The following DDX5 variants were observed in gnomAD, a reference collection of about 807,000 sequenced individuals.
DDX5 encodes the protein probable ATP-dependent RNA helicase DDX5.
In DDX5, 6 loss-of-function variants were observed where a neutral mutation model predicts 68.6. The observed-to-expected ratio is 0.09, with a 90% CI of 0.05 to 0.17. The LOEUF (loss-of-function observed/expected upper bound fraction) is 0.17. DDX5 is among the 10% of genes least tolerant of loss of function. DDX5 has a pLI of 1.00. For synonymous variants in DDX5, 350 were observed against 247.0 expected (o/e 1.42, Z -3.91); for missense variants, 499 against 756.1 (o/e 0.66, Z 3.99).
At chr17:64,505,081 C>A in intron 1 of DDX5, 1 of 397,072 alleles carries the variant, frequency 2.5e-6, no homozygotes, top group Non-Finnish European at 4.5e-6. Flanking sequence ...ATGTCGGAAG[C>A]CGGGGATTTA....
intron 3 of DDX5, 36 bp downstream of exon 3, chr17:64,504,186 A>G: frequency 6.2e-7 from 1 of 1,613,164 alleles, no homozygotes; most frequent in Non-Finnish European, 8.5e-7. Context: ...GTGGAAACAA[A>G]AACACGGGTA....
At position 64,499,464 on chromosome 17, in the gene DDX5, G is replaced by A. The variant is rs764922336; in HGVS notation, c.*459C>T. On this transcript the variant is annotated 3_prime_UTR_variant, in exon 13 of 13. Transcript: ENST00000225792. ...TATGAATAGCTCATTATAAAGAAGG[G>A]CCTTCTGATTCCCCCTGCCTCCCAA... 2.0e-5 allele frequency among the ~76,000 whole-genome samples: 3 copies of A among 150,994 alleles called. No individual in the cohort carries two copies. Among genetic ancestry groups the A allele is most frequent in the African/African-American group, 7.3e-5 (3 of 40,916 alleles).
At chr17:64,505,080 G>C (rs2038407104) in intron 1 of DDX5, 1 of 398,782 alleles carries the variant, frequency 2.5e-6, no homozygotes, top group East Asian at 3.9e-5. Context: ...CATGTCGGAA[G>C]CCGGGGATTT....
chr17:64,499,720 T>C lies in DDX5; in HGVS notation c.*203A>G, dbSNP rs1459190548. On this transcript the variant is annotated 3_prime_UTR_variant, in exon 13 of 13. Coordinates refer to ENST00000225792, the MANE Select transcript of DDX5 (RefSeq NM_004396.5). ...ACTTTTGTGAAAACACTGCCTGCAT[T>C]TTCTAGTACAAAAAAAACCTAAAAA... is the stretch of plus-strand genomic sequence containing the variant. The C allele has an allele frequency of 4.2e-6, 2 of 472,768 alleles. No individual in the cohort carries two copies. Among genetic ancestry groups the C allele is most frequent in the Non-Finnish European group, 7.3e-6 (2 of 272,874 alleles). The allele number at this position is 472,768 out of a possible 1,614,324, so 29.3% of individuals were successfully genotyped here.
intron 1 of DDX5, chr17:64,505,738 C>A: frequency 6.5e-7 from 1 of 1,535,960 alleles, no homozygotes; most frequent in Non-Finnish European, 8.7e-7. Context: ...CCTCCCGAAA[C>A]GCCGCACCTA....
intron 5 of DDX5, 63 bp downstream of exon 5, chr17:64,503,740 T>C: frequency 1.3e-6 from 2 of 1,559,552 alleles, no homozygotes; most frequent in South Asian, 1.2e-5. Flanking sequence ...ATTACATCTT[T>C]AGCTATGTAG....
At chr17:64,506,740 A>C, upstream of DDX5, 2 of 445,836 alleles carry the variant, frequency 4.5e-6, no homozygotes, top group South Asian at 2.5e-5. Context: ...AGGGATACAA[A>C]ACGAAATAGC....
Position 64,506,120 on chromosome 17 carries a change from G to C in DDX5, c.-1C>G, listed in dbSNP as rs782396634. Reference sequence around the variant, plus strand: ...CTCGGTCACTCGAATAACCCGACATGGCGTCAATGGTTGCGGTTGGCGGGG... The same window carrying C: ...CTCGGTCACTCGAATAACCCGACATCGCGTCAATGGTTGCGGTTGGCGGGG... On this transcript the variant is annotated 5_prime_UTR_variant, in exon 1 of 13. Coordinates refer to ENST00000225792, the MANE Select transcript of DDX5 (RefSeq NM_004396.5). 3 of 1,606,220 alleles carry C rather than the reference G, an allele frequency of 1.9e-6. No homozygotes were observed. The African/African-American group carries it at 4.0e-5, about 22-fold the overall frequency.
At chr17:64,504,562 G>T in intron 2 of DDX5, 115 bp downstream of exon 2, 1 of 1,284,120 alleles carries the variant, frequency 7.8e-7, no homozygotes, top group Non-Finnish European at 1.1e-6. Flanking sequence ...CAATTATGAA[G>T]TCAGAACATG....
intron 1 of DDX5, chr17:64,505,570 G>C (rs1167782357): frequency 7.3e-6 from 5 of 680,830 alleles, no homozygotes; most frequent in Non-Finnish European, 1.3e-5. Context: ...CCTCCGCCGG[G>C]CGGGGTAACA....
rs2038365256 is a variant in DDX5 at position 64,504,134 on chromosome 17, T to C, written c.308-18A>G. ...GACATTTGCTATAATTAGTAACAGA[T>C]ATTTAGTAAAAATTAGTGATGCCAA... On this transcript the variant is annotated intron_variant, in intron 3 of 12. Transcript: ENST00000225792. The C allele has an allele frequency of 5.6e-6, 9 of 1,613,864 alleles. No individual in the cohort carries two copies. The highest frequency in any genetic ancestry group is 7.6e-6 in the Non-Finnish European group (9 of 1,179,778).
intron 2 of DDX5, 96 bp from the exon 3 acceptor site, chr17:64,504,414 G>A (rs1277445981): frequency 8.8e-7 from 1 of 1,131,126 alleles, no homozygotes; most frequent in Non-Finnish European, 1.3e-6. Flanking sequence ...TTAGTAACTA[G>A]TTTAAAGTAG....
At position 64,503,826 on chromosome 17, in the gene DDX5, G is replaced by A. The variant is rs149747129; in HGVS notation, c.484C>T (p.Leu162=). 220 of 1,614,170 alleles carry A rather than the reference G, an allele frequency of 1.4e-4. No individual in the cohort carries two copies. The African/African-American group carries it at 2.4e-3, about 17-fold the overall frequency. The change falls in exon 5 of 13, where the codon CTA becomes TTA. Residue 162 remains leucine, a synonymous_variant. Transcript: ENST00000225792. The part of the protein sequence containing the change: ...AIVHINHQPF[L]ERGDGPICLV... ...ACAATAGGCCCATCGCCTCTCTCTA[G>A]GAATGGCTGATGATTGATGTGGACA...
rs1555671827 is a variant in DDX5 at position 64,504,813 on chromosome 17, C to T, written c.74G>A (p.Arg25Lys). Reference sequence around the variant, plus strand: ...CTTCTTTCCAGATAAGGGCCCTGCCCTACTTCCTCCAAATCGAGGTGCACC... The same window carrying T: ...CTTCTTTCCAGATAAGGGCCCTGCCTTACTTCCTCCAAATCGAGGTGCACC... ...GFGAPRFGGS[R>K]AGPLSGKKFG... is the part of the protein sequence containing the mutation. The change falls in exon 2 of 13, where the codon AGG becomes AAG. Residue 25 changes from arginine to lysine, a missense_variant. By Grantham distance (26) the Arg-to-Lys change is conservative. Transcript: ENST00000225792. 1 of 1,606,428 alleles carries T rather than the reference C, an allele frequency of 6.2e-7. No individual in the cohort carries two copies. Among genetic ancestry groups the T allele is most frequent in the South Asian group, 1.1e-5 (1 of 89,238 alleles).
chr17:64,504,993 T>TCTC, intron 1 of DDX5, 151 bp from the exon 2 acceptor site: 1 of 566,540 alleles, frequency 1.8e-6, no homozygotes, highest in African/African-American at 6.3e-5. Context: ...TCTCTCTCTC[T>TCTC]CTCAACAGCC....
At chr17:64,505,009 T>G in intron 1 of DDX5, 167 bp from the exon 2 acceptor site, 1 of 582,280 alleles carries the variant, frequency 1.7e-6, no homozygotes, top group South Asian at 2.7e-5. Flanking sequence ...CAGCCACAGT[T>G]AACATTTCCC....
At chr17:64,502,280 T>TG in intron 9 of DDX5, 57 bp from the exon 10 acceptor site, 1 of 1,582,244 alleles carries the variant, frequency 6.3e-7, no homozygotes, top group Non-Finnish European at 8.7e-7. Context: ...CAGACTCCAG[T>TG]GCTTGACCAC....
intron 1 of DDX5, chr17:64,505,567 C>G: frequency 5.9e-6 from 4 of 676,084 alleles, no homozygotes; most frequent in South Asian, 5.1e-5. Context: ...GCTCCTCCGC[C>G]GGGCGGGGTA....
intron 1 of DDX5, chr17:64,505,751 A>T: frequency 6.5e-7 from 1 of 1,536,138 alleles, no homozygotes; most frequent in Non-Finnish European, 8.7e-7. Flanking sequence ...CGCACCTAAC[A>T]GATGTTCCTT....
Sources: allele counts gnomAD v4.1 joint callset (sites outside exome capture counted in the v4.1 genomes callset), GRCh38; gene constraint gnomAD v4.1.1; transcripts MANE v1.5; gene names NCBI Gene and HGNC (gene_info 2026-07-23, HGNC 2026-07-21).